The following NDUFA10 variants were observed in gnomAD, a reference collection of about 807,000 sequenced individuals.
NDUFA10 encodes the protein NADH:ubiquinone oxidoreductase subunit A10.
In NDUFA10, 40 loss-of-function variants were observed where a neutral mutation model predicts 47.8. That is an observed-to-expected ratio of 0.84 (90% CI 0.65 to 1.09). The LOEUF (loss-of-function observed/expected upper bound fraction) is 1.09. NDUFA10 is among the 50% of genes least tolerant of loss of function. The probability of loss-of-function intolerance (pLI) is 0.00; values close to 1 mark genes in which losing one functional copy is unlikely to be tolerated. For missense variants in NDUFA10, 413 were observed against 451.1 expected (o/e 0.92, Z 0.76); for synonymous variants, 183 against 172.2 (o/e 1.06, Z -0.49).
chr2:239,968,584 T>C (rs141054610), intron 9 of NDUFA10, among the ~76,000 whole-genome samples: 1 of 152,256 alleles, frequency 6.6e-6, no homozygotes, highest in East Asian at 1.9e-4. Flanking sequence ...GGTGGTTGCA[T>C]CTGACTCTGG....
In NDUFA10 at chr2:240,011,756, T is replaced by C; in HGVS notation, c.670-60A>G. On this transcript the variant is annotated intron_variant, in intron 5 of 9. Coordinates refer to ENST00000252711, the MANE Select transcript of NDUFA10 (RefSeq NM_004544.4). ...TTTAGAGTTCATTCTCTTTGACCTG[T>C]GCGTATATAAAATGCGAAGACAATC... is the stretch of plus-strand genomic sequence containing the variant. 10 of 1,418,676 alleles carry C rather than the reference T, an allele frequency of 7.0e-6. No individual in the cohort carries two copies. The South Asian group carries it at 1.0e-4, about 15-fold the overall frequency. 87.9% of individuals were successfully genotyped at this position (1,418,676 alleles called of 1,614,324 possible).
intron 9 of NDUFA10, among the ~76,000 whole-genome samples, chr2:239,966,848 C>CTT (rs71045922): frequency 2.0e-4 from 23 of 113,808 alleles, no homozygotes; most frequent in African/African-American, 3.3e-4. Flanking sequence ...GCAAGGATTT[C>CTT]TTTTTTTTTT....
chr2:239,953,446 TA>T (rs1694595894), downstream of NDUFA10, among the ~76,000 whole-genome samples: 1 of 152,192 alleles, frequency 6.6e-6, no homozygotes, highest in South Asian at 2.1e-4. Context: ...ACCGCAGCCC[TA>T]GGAAACTGCT....
downstream of NDUFA10, among the ~76,000 whole-genome samples, chr2:239,952,812 G>A (rs1694578919): frequency 6.6e-6 from 1 of 152,268 alleles, no homozygotes; most frequent in Admixed American, 6.5e-5. Flanking sequence ...TGCTGACCAA[G>A]CTGGCAAGGC....
At chr2:239,911,524 C>G (rs76494079) in intron 4 of NDUFA10, among the ~76,000 whole-genome samples, 5,827 of 152,298 alleles carry the variant, frequency 0.038, 302 homozygotes, top group African/African-American at 0.12. Context: ...GGGCCACACC[C>G]TGAGCCTTCC....
chr2:239,915,893 A>G (rs570638290), intron 4 of NDUFA10, among the ~76,000 whole-genome samples: 1 of 151,940 alleles, frequency 6.6e-6, no homozygotes, highest in South Asian at 2.1e-4. Flanking sequence ...AGAGAGACAC[A>G]CAGAGATACA....
chr2:239,901,699 G>A (rs1321126010), intron 4 of NDUFA10, among the ~76,000 whole-genome samples: 1 of 151,726 alleles, frequency 6.6e-6, no homozygotes, highest in Non-Finnish European at 1.5e-5. Flanking sequence ...ATGGATCTGG[G>A]CAAAGTCAAT....
At chr2:239,972,136 G>A (rs1695326500) in intron 9 of NDUFA10, among the ~76,000 whole-genome samples, 1 of 72,532 alleles carries the variant, frequency 1.4e-5, no homozygotes, top group East Asian at 3.7e-4. Flanking sequence ...TTTCATGAAG[G>A]ATGTGTGTGT....
At chr2:239,955,536 G>A (rs1327334476), downstream of NDUFA10, among the ~76,000 whole-genome samples, 1 of 152,146 alleles carries the variant, frequency 6.6e-6, no homozygotes, top group Non-Finnish European at 1.5e-5. Flanking sequence ...TCTTCCTAAG[G>A]TGGCTCTTGG....
At chr2:239,965,174 G>C (rs902883767) in intron 9 of NDUFA10, among the ~76,000 whole-genome samples, 2 of 152,156 alleles carry the variant, frequency 1.3e-5, no homozygotes, top group Non-Finnish European at 2.9e-5. Context: ...AGTCCAGCCA[G>C]TGGCCATTAA....
rs1697526948 is a variant in NDUFA10, at chr2:240,019,622, T to C, written c.461-983A>G. On this transcript the variant is annotated intron_variant, in intron 3 of 9. Transcript: ENST00000252711. Reference sequence around the variant, plus strand: ...TCACGAGGTCAGGAGATCGAGACCATCCCGGCTAAAACGGTGAAACCCCGT... The same window carrying C: ...TCACGAGGTCAGGAGATCGAGACCACCCCGGCTAAAACGGTGAAACCCCGT... 6.6e-5 allele frequency among the ~76,000 whole-genome samples: 2 copies of C among 30,154 alleles called. 1 individual carries two copies. The highest frequency in any genetic ancestry group is 1.4e-4 in the Non-Finnish European group (2 of 13,858). The allele number at this position is 30,154 out of a possible 152,430, so 19.8% of individuals were successfully genotyped here.
intron 9 of NDUFA10, among the ~76,000 whole-genome samples, chr2:239,979,586 T>G (rs559246795): frequency 1.5e-4 from 18 of 123,272 alleles, no homozygotes; most frequent in Non-Finnish European, 2.7e-4. Flanking sequence ...AAGTGGGGGC[T>G]CTCGGGAAAA....
intron 9 of NDUFA10, among the ~76,000 whole-genome samples, chr2:239,981,044 T>C (rs1238464880): frequency 6.6e-6 from 1 of 152,192 alleles, no homozygotes; most frequent in African/African-American, 2.4e-5. Context: ...CATCAATCCC[T>C]CCCTGCTCCT....
At chr2:239,982,279 T>C in intron 9 of NDUFA10, 2 of 1,591,764 alleles carry the variant, frequency 1.3e-6, no homozygotes, top group Non-Finnish European at 1.7e-6. Context: ...CGACTTTACT[T>C]TTCTTTAGTT....
downstream of NDUFA10, among the ~76,000 whole-genome samples, chr2:239,955,602 A>C (rs1453481416): frequency 6.6e-6 from 1 of 152,114 alleles, no homozygotes; most frequent in East Asian, 1.9e-4. Flanking sequence ...TCAGACCCAC[A>C]CCTTGCCAGA....
chr2:239,921,537 A>C (rs10204412), intron 4 of NDUFA10, among the ~76,000 whole-genome samples: 34,138 of 152,016 alleles, frequency 0.22, 5,352 homozygotes, highest in African/African-American at 0.45. Flanking sequence ...TTACAGAGCA[A>C]TGATTGGTCC....
chr2:240,011,482 A>T (rs1398367324), intron 6 of NDUFA10, 135 bp downstream of exon 6: 2 of 719,660 alleles, frequency 2.8e-6, no homozygotes, highest in Admixed American at 2.3e-5. Flanking sequence ...TTTCTTATTT[A>T]TAAACATCAG....
At chr2:239,996,776 T>C (rs1469157075) in intron 8 of NDUFA10, among the ~76,000 whole-genome samples, 1 of 151,710 alleles carries the variant, frequency 6.6e-6, no homozygotes, top group African/African-American at 2.4e-5. Context: ...CATAAATTCA[T>C]AAACTTTCTT....
intron 4 of NDUFA10, among the ~76,000 whole-genome samples, chr2:239,905,751 C>G (rs1296138494): frequency 6.6e-6 from 1 of 150,968 alleles, no homozygotes; most frequent in Non-Finnish European, 1.5e-5. Context: ...ATTTGCAGAT[C>G]TGCCAAGGGA....
Sources: allele counts gnomAD v4.1 joint callset (sites outside exome capture counted in the v4.1 genomes callset), GRCh38; gene constraint gnomAD v4.1.1; transcripts MANE v1.5; gene names NCBI Gene and HGNC (gene_info 2026-07-23, HGNC 2026-07-21).